Variants in INPP4B observed in about 807,000 individuals in gnomAD.
INPP4B encodes inositol polyphosphate 4-phosphatase type II.
Under a neutral mutation model 122.5 loss-of-function variants are expected in INPP4B, and 55 were observed. The observed-to-expected ratio is 0.45, with a 90% confidence interval of 0.36 to 0.56. INPP4B has a LOEUF of 0.56. INPP4B is among the 20% of genes least tolerant of loss of function. The probability of loss-of-function intolerance (pLI) is 0.00; values close to 1 mark genes in which losing one functional copy is unlikely to be tolerated. For missense variants in INPP4B, 1,000 were observed against 1,097.7 expected (o/e 0.91, Z 1.26); for synonymous variants, 403 against 388.7 (o/e 1.04, Z -0.43).
chr4:142,122,381 C>T (rs1365092789), intron 20 of INPP4B, 136 bp from the exon 21 acceptor site: 1 of 676,408 alleles, frequency 1.5e-6, no homozygotes, highest in South Asian at 1.7e-5. Context: ...ACTCTAGACA[C>T]TTTTCCTCAG....
At chr4:142,145,683 T>C (rs905357541) in intron 18 of INPP4B, among the ~76,000 whole-genome samples, 157 bp downstream of exon 18, 2 of 152,044 alleles carry the variant, frequency 1.3e-5, no homozygotes, top group Admixed American at 6.6e-5. Context: ...ATTTGATAAA[T>C]AGCCTTCCAT....
At chr4:142,518,834 G>A (rs1027667406) in intron 2 of INPP4B, 56 of 152,226 alleles carry the variant, frequency 3.7e-4, no homozygotes, top group African/African-American at 1.2e-3. Context: ...TTCTTGCTCC[G>A]GTCAAGCCTT....
At chr4:142,188,180 AT>A (rs1419766408) in intron 15 of INPP4B, among the ~76,000 whole-genome samples, 1 of 151,994 alleles carries the variant, frequency 6.6e-6, no homozygotes, top group African/African-American at 2.4e-5. Context: ...GGATCAAAGT[AT>A]TTCTACTTAA....
intron 2 of INPP4B, among the ~76,000 whole-genome samples, chr4:142,492,295 G>A (rs1821982232): frequency 6.6e-6 from 1 of 152,086 alleles, no homozygotes; most frequent in African/African-American, 2.4e-5. Context: ...TGGTACCACA[G>A]AGAGAGGGGC....
At chr4:142,642,264 G>C (rs183072380) in intron 2 of INPP4B, among the ~76,000 whole-genome samples, 2 of 152,008 alleles carry the variant, frequency 1.3e-5, no homozygotes, top group Non-Finnish European at 2.9e-5. Context: ...AGAAGCTCTT[G>C]AGTTTAATTA....
At chr4:142,279,812 C>T (rs918948958) in intron 9 of INPP4B, among the ~76,000 whole-genome samples, 1 of 151,828 alleles carries the variant, frequency 6.6e-6, no homozygotes, top group Non-Finnish European at 1.5e-5. Context: ...AAAAGACAAG[C>T]TACTGACTTG....
At chr4:142,716,284 C>A (rs1457271792) in intron 2 of INPP4B, among the ~76,000 whole-genome samples, 1 of 152,134 alleles carries the variant, frequency 6.6e-6, no homozygotes, top group Admixed American at 6.5e-5. Context: ...ATAAAAGAAA[C>A]CTTAGTCAAA....
intron 2 of INPP4B, among the ~76,000 whole-genome samples, chr4:142,640,107 T>C (rs1288665328): frequency 6.6e-6 from 1 of 152,146 alleles, no homozygotes; most frequent in African/African-American, 2.4e-5. Context: ...AAACTGTGAC[T>C]GTACTAGGCA....
At chr4:142,437,476 C>T (rs1436439608) in intron 3 of INPP4B, among the ~76,000 whole-genome samples, 1 of 151,868 alleles carries the variant, frequency 6.6e-6, no homozygotes, top group African/African-American at 2.4e-5. Context: ...CCAAGGTCGA[C>T]ATGAAGGAAA....
intron 7 of INPP4B, among the ~76,000 whole-genome samples, chr4:142,396,278 CT>C (rs1211079053): frequency 1.3e-5 from 2 of 151,996 alleles, no homozygotes; most frequent in Non-Finnish European, 2.9e-5. Flanking sequence ...AAAAAGAACC[CT>C]TTTTTTAATA....
intron 12 of INPP4B, among the ~76,000 whole-genome samples, chr4:142,233,215 TGTGA>T (rs199872513): frequency 0.033 from 4,894 of 149,772 alleles, 249 homozygotes; most frequent in African/African-American, 0.11. Flanking sequence ...TGTGTGTGTG[TGTGA>T]GTGAGTGTAT....
intron 1 of INPP4B, among the ~76,000 whole-genome samples, chr4:142,839,924 A>C (rs1783276265): frequency 6.6e-6 from 1 of 152,240 alleles, no homozygotes; most frequent in Non-Finnish European, 1.5e-5. Flanking sequence ...AACATGGCTG[A>C]AATGTCCACC....
At chr4:142,579,560 C>T (rs572217324) in intron 2 of INPP4B, among the ~76,000 whole-genome samples, 1 of 151,994 alleles carries the variant, frequency 6.6e-6, no homozygotes, top group African/African-American at 2.4e-5. Context: ...TGTGAGTGGG[C>T]CTCATCTAAT....
chr4:142,175,338 T>G (rs986208978), intron 15 of INPP4B, among the ~76,000 whole-genome samples: 5 of 151,856 alleles, frequency 3.3e-5, no homozygotes, highest in African/African-American at 1.2e-4. Flanking sequence ...CAGGGGAAAA[T>G]TATCAGAATC....
chr4:142,093,552 G>T (rs898129115), intron 23 of INPP4B, among the ~76,000 whole-genome samples: 2 of 152,094 alleles, frequency 1.3e-5, no homozygotes, highest in Non-Finnish European at 2.9e-5. Flanking sequence ...GAGTACTATA[G>T]TCTGTAACAT....
chr4:142,660,011 G>A (rs2150580119), intron 2 of INPP4B, among the ~76,000 whole-genome samples: 1 of 152,210 alleles, frequency 6.6e-6, no homozygotes, highest in African/African-American at 2.4e-5. Flanking sequence ...CACCGAGCAG[G>A]TGAGTGTGGC....
chr4:142,763,600 T>C (rs1580858855), intron 1 of INPP4B, among the ~76,000 whole-genome samples: 1 of 152,102 alleles, frequency 6.6e-6, no homozygotes, highest in Admixed American at 6.6e-5. Context: ...AGGAAAAACT[T>C]GGAAGCCATA....
At chr4:142,707,267 G>T (rs1371885976) in intron 2 of INPP4B, among the ~76,000 whole-genome samples, 4 of 152,146 alleles carry the variant, frequency 2.6e-5, no homozygotes, top group Non-Finnish European at 5.9e-5. Context: ...AGTATAATTG[G>T]AACCACTCAA....
intron 23 of INPP4B, among the ~76,000 whole-genome samples, chr4:142,102,267 G>T (rs1486663208): frequency 2.6e-5 from 4 of 151,822 alleles, no homozygotes; most frequent in Admixed American, 6.6e-5. Context: ...TAAATAAATT[G>T]TGCCCTATTA....
Sources: gnomAD v4.1 joint callset for allele counts (sites outside exome capture counted in the v4.1 genomes callset) on GRCh38, gnomAD v4.1.1 for gene constraint, MANE v1.5 for transcripts, NCBI Gene and HGNC (gene_info 2026-07-23, HGNC 2026-07-21) for gene names.